Variants in NMNAT1 observed in about 807,000 individuals in gnomAD.
NMNAT1 encodes the protein nicotinamide/nicotinic acid mononucleotide adenylyltransferase 1.
A neutral mutation model predicts 16.7 loss-of-function variants in NMNAT1; 11 were observed. The ratio of observed to expected loss-of-function variants is 0.66; its 90% CI spans 0.41 to 1.09. The LOEUF (loss-of-function observed/expected upper bound fraction) is 1.09, where lower values mean the gene tolerates loss of function less well. Among genes scored for constraint, NMNAT1 ranks in the 50% least tolerant of loss-of-function variants. The pLI is 0.00. For missense variants in NMNAT1, 280 were observed against 332.3 expected (o/e 0.84, Z 1.22); for synonymous variants, 110 against 119.8 (o/e 0.92, Z 0.53).
chr1:9,961,301 G>C (rs1490423575), intron 1 of NMNAT1, among the ~76,000 whole-genome samples: 2 of 152,050 alleles, frequency 1.3e-5, no homozygotes, highest in Non-Finnish European at 2.9e-5. Context: ...CACACCTCTC[G>C]AACTCAGCCT....
intron 3 of NMNAT1, among the ~76,000 whole-genome samples, chr1:9,977,590 G>GGCGTGGTAGCTCATGACTATAATCC (rs1641842653): frequency 6.6e-6 from 1 of 152,106 alleles, no homozygotes; most frequent in Non-Finnish European, 1.5e-5. Flanking sequence ...GCTGAGGCCG[G>GGCGTGGTAGCTCATGACTATAATCC]GCGTGGTAGC....
rs896358444 is a variant in NMNAT1 at position 9,969,332 on chromosome 1, T to C, written c.-56-2686T>C. On this transcript the variant is annotated intron_variant, in intron 1 of 4. Coordinates refer to ENST00000377205, the MANE Select transcript of NMNAT1 (RefSeq NM_022787.4). ...ACCATAAACAGGAGTATTCAGAGGA[T>C]AGGGCTCTTGGAAATTAAGAGTGTA... Among the ~76,000 whole-genome samples the C allele has an allele frequency of 3.3e-5, 5 of 152,040 alleles. No homozygotes were observed. The East Asian group carries it at 7.7e-4, about 23-fold the overall frequency.
downstream of NMNAT1, among the ~76,000 whole-genome samples, chr1:9,990,050 TG>T (rs1354156713): frequency 2.0e-5 from 3 of 152,232 alleles, no homozygotes; most frequent in Non-Finnish European, 2.9e-5. Context: ...AGCGCCAAAG[TG>T]GCTGGCTAGT....
chr1:9,971,598 C>A (rs755326053), intron 1 of NMNAT1, among the ~76,000 whole-genome samples: 2 of 152,176 alleles, frequency 1.3e-5, no homozygotes, highest in Middle Eastern at 6.8e-3. Context: ...ATGTGTGAGC[C>A]ACCACGCCCA....
chr1:9,944,580 A>T (rs898348410), intron 1 of NMNAT1, among the ~76,000 whole-genome samples: 2 of 152,114 alleles, frequency 1.3e-5, no homozygotes, highest in African/African-American at 4.8e-5. Flanking sequence ...CAGTGGTGTG[A>T]TCATAGCTCA....
intron 1 of NMNAT1, among the ~76,000 whole-genome samples, chr1:9,956,100 G>T (rs1641252421): frequency 6.6e-6 from 1 of 151,624 alleles, no homozygotes; most frequent in Admixed American, 6.6e-5. Context: ...CTACAAAATA[G>T]TCCATAAATA....
intron 2 of NMNAT1, among the ~76,000 whole-genome samples, chr1:9,973,993 A>G (rs1289928407): frequency 6.6e-6 from 1 of 151,826 alleles, no homozygotes; most frequent in East Asian, 2.0e-4. Context: ...ACACAGCACC[A>G]TGCCCGGCCC....
intron 1 of NMNAT1, among the ~76,000 whole-genome samples, chr1:9,959,737 T>A (rs1490586223): frequency 2.6e-5 from 4 of 152,102 alleles, no homozygotes; most frequent in Non-Finnish European, 5.9e-5. Flanking sequence ...TCTAACTCCC[T>A]TCTTCACTGT....
intron 1 of NMNAT1, among the ~76,000 whole-genome samples, chr1:9,946,420 T>C (rs1640981759): frequency 6.6e-6 from 1 of 152,134 alleles, no homozygotes; most frequent in African/African-American, 2.4e-5. Flanking sequence ...AGATAAATGC[T>C]CCTTGGCAGC....
In NMNAT1 at chr1:9,969,686, G is replaced by A. The variant is rs191922370; in HGVS notation, c.-56-2332G>A. Among the ~76,000 whole-genome samples, 462 of 152,292 alleles carry A rather than the reference G, an allele frequency of 3.0e-3. 4 individuals carry two copies. The highest frequency in any genetic ancestry group is 0.01 in the Admixed American group (158 of 15,278). On this transcript the variant is annotated intron_variant, in intron 1 of 4. Transcript: ENST00000377205. ...GAATTGCTTGAACCTGGGAGGTGGA[G>A]GTTGCAGTGAGCTGAGATCGTGCCA...
intron 2 of NMNAT1, among the ~76,000 whole-genome samples, chr1:9,974,886 C>T (rs905057231): frequency 1.3e-5 from 2 of 152,058 alleles, no homozygotes; most frequent in African/African-American, 4.8e-5. Context: ...TGGATGGATG[C>T]TAAAGCTCAC....
chr1:9,974,754 G>T (rs1423563696), intron 2 of NMNAT1, among the ~76,000 whole-genome samples: 1 of 151,964 alleles, frequency 6.6e-6, no homozygotes, highest in African/African-American at 2.4e-5. Flanking sequence ...GAGCTCCTGG[G>T]CTCAAGTGAT....
chr1:9,993,867 C>A, the NMNAT1 span, among the ~76,000 whole-genome samples: 5 of 152,066 alleles, frequency 3.3e-5, no homozygotes, highest in South Asian at 2.1e-4. Flanking sequence ...GTTTCAGATG[C>A]CTTTAAGATA....
At chr1:9,953,272 C>A (rs1173038252) in intron 1 of NMNAT1, among the ~76,000 whole-genome samples, 1 of 146,044 alleles carries the variant, frequency 6.8e-6, no homozygotes, top group African/African-American at 2.6e-5. Flanking sequence ...AGCCACTGTG[C>A]GCGGGCTTTT....
Position 9,982,624 on chromosome 1 carries a change from A to G in NMNAT1, c.763A>G (p.Ser255Gly), listed in dbSNP as rs777097208. Residue 255 changes from serine (S) to glycine (G), a missense_variant, in exon 5 of 5, where the codon AGC (serine) becomes GGC (glycine). Ser to Gly is a moderately conservative substitution (Grantham distance 56). Transcript: ENST00000377205. ...ATACATTGAAAAGCATAATTTGTAC[A>G]GCTCTGAGAGTGAAGACAGGAATGC... ...QEYIEKHNLY[S>G]SESEDRNAGV... The G allele has an allele frequency of 1.9e-6, 3 of 1,614,158 alleles. No individual in the cohort carries two copies. Among genetic ancestry groups the G allele is most frequent in the Admixed American group, 3.3e-5 (2 of 59,992 alleles).
Position 9,975,792 on chromosome 1 carries a change from C to A in NMNAT1, c.299+17C>A, listed in dbSNP as rs1240766374. On this transcript the variant is annotated intron_variant, in intron 3 of 4. Transcript: ENST00000377205. ...GGTGCTAAGGTATTTATGGTGTAAT[C>A]AACTTTGTCAGTTCTGTGTAAATGG... 2.5e-6 allele frequency: 4 copies of A among 1,592,612 alleles called. No individual in the cohort carries two copies. In the Admixed American group the frequency reaches 7.0e-5, roughly 28 times the overall value.
At chr1:9,961,483 T>C (rs1641405124) in intron 1 of NMNAT1, among the ~76,000 whole-genome samples, 1 of 152,160 alleles carries the variant, frequency 6.6e-6, no homozygotes, top group African/African-American at 2.4e-5. Flanking sequence ...CTCAGGGTAC[T>C]ATGGGCATGT....
At chr1:9,943,026 G>A (rs7535840), upstream of NMNAT1, 6,819 of 318,064 alleles carry the variant, frequency 0.021, 458 homozygotes, top group African/African-American at 0.14. Context: ...CTTGGAAAAG[G>A]TAAGGGCGGA....
intron 1 of NMNAT1, among the ~76,000 whole-genome samples, chr1:9,944,330 G>A (rs773861328): frequency 5.3e-5 from 8 of 152,144 alleles, no homozygotes; most frequent in South Asian, 4.1e-4. Flanking sequence ...GAGAGCCCGC[G>A]GTGGGAGGAT....
Sources: gnomAD v4.1 joint callset for allele counts (sites outside exome capture counted in the v4.1 genomes callset) on GRCh38, gnomAD v4.1.1 for gene constraint, MANE v1.5 for transcripts, NCBI Gene and HGNC (gene_info 2026-07-23, HGNC 2026-07-21) for gene names.